Variants in C10orf67 observed in about 807,000 individuals in gnomAD.
C10orf67 encodes chromosome 10 open reading frame 67.
Under a neutral mutation model 35.6 loss-of-function variants are expected in C10orf67, and 60 were observed. That is an observed-to-expected ratio of 1.68 (90% CI 1.37 to 2.09). The LOEUF is 2.09. Ranked by LOEUF, C10orf67 falls within the 30% of genes most tolerant of loss-of-function variation. The pLI, the probability that C10orf67 is intolerant of heterozygous loss-of-function variation, is 0.00. For synonymous variants in C10orf67, 167 were observed against 115.8 expected, an observed-to-expected ratio of 1.44 and a Z score of -2.84; for missense variants, 474 against 330.2, an observed-to-expected ratio of 1.44 and a Z score of -3.38.
At chr10:23,330,585 A>T (rs918402748) in intron 2 of C10orf67, among the ~76,000 whole-genome samples, 22 of 152,038 alleles carry the variant, frequency 1.4e-4, no homozygotes, top group Non-Finnish European at 2.9e-4. Context: ...CTAAAAATAT[A>T]AAAAATTAGC....
At chr10:23,325,703 G>A (rs1845169438) in intron 2 of C10orf67, among the ~76,000 whole-genome samples, 1 of 148,170 alleles carries the variant, frequency 6.7e-6, no homozygotes, top group Non-Finnish European at 1.5e-5. Context: ...ACAGGAAAAT[G>A]TGATTCAGTC....
intron 13 of C10orf67, among the ~76,000 whole-genome samples, chr10:23,236,207 C>T (rs1354100977): frequency 1.4e-5 from 2 of 143,346 alleles, no homozygotes; most frequent in African/African-American, 5.4e-5. Context: ...TGAGATTGCG[C>T]CACTGCACTC....
intron 8 of C10orf67, among the ~76,000 whole-genome samples, chr10:23,276,755 G>A (rs546721767): frequency 4.6e-5 from 7 of 152,168 alleles, no homozygotes; most frequent in South Asian, 2.1e-4. Flanking sequence ...TAATCACCAC[G>A]TTGCGAGAGA....
chr10:23,289,376 C>T (rs552878423), intron 7 of C10orf67, among the ~76,000 whole-genome samples: 1 of 152,260 alleles, frequency 6.6e-6, no homozygotes, highest in Non-Finnish European at 1.5e-5. Flanking sequence ...GTTTTCCAGT[C>T]TGGCCTTGAA....
chr10:23,319,379 A>T (rs1844858776), intron 4 of C10orf67, among the ~76,000 whole-genome samples: 1 of 152,086 alleles, frequency 6.6e-6, no homozygotes, highest in Non-Finnish European at 1.5e-5. Flanking sequence ...GTGTATATGT[A>T]CCACATTTTT....
At chr10:23,335,115 G>C (rs7894108) in intron 1 of C10orf67, among the ~76,000 whole-genome samples, 85,923 of 151,148 alleles carry the variant, frequency 0.57, 25,581 homozygotes, top group East Asian at 0.87. Flanking sequence ...TTGAACCTGG[G>C]AGGCAGAGGC....
intron 7 of C10orf67, among the ~76,000 whole-genome samples, chr10:23,288,152 A>G (rs1843603090): frequency 6.6e-6 from 1 of 152,252 alleles, no homozygotes; most frequent in African/African-American, 2.4e-5. Context: ...TCATTTTACT[A>G]TAAAGAGACA....
intron 10 of C10orf67, among the ~76,000 whole-genome samples, chr10:23,255,189 C>G (rs1044656037): frequency 2.6e-5 from 4 of 152,044 alleles, no homozygotes; most frequent in Non-Finnish European, 5.9e-5. Context: ...ATTGGGAACA[C>G]GGAGAATAAA....
rs1564450822 is a variant in C10orf67 at position 23,202,768 on chromosome 10, T to G, written c.*1405A>C. 6.6e-6 allele frequency: 1 copy of G among 152,194 alleles called. No individual in the cohort carries two copies. The highest frequency in any genetic ancestry group is 1.9e-4 in the East Asian group (1 of 5,188). The allele number at this position is 152,194 out of a possible 1,614,324, so 9.4% of individuals were successfully genotyped here. A position where few individuals can be genotyped will look rare whatever the true frequency, so the allele number is the denominator to read the frequency against. On this transcript the variant is annotated 3_prime_UTR_variant, in exon 16 of 16. Coordinates refer to ENST00000636213, the MANE Select transcript of C10orf67 (RefSeq NM_001371909.1). ...CAGATAAATCTTGAAGGTTCAAGTT[T>G]CTATTAAAGTTCTGAAATGAAGCAG... is the stretch of plus-strand genomic sequence containing the variant.
intron 15 of C10orf67, among the ~76,000 whole-genome samples, chr10:23,207,051 A>C (rs1841177440): frequency 6.6e-6 from 1 of 152,088 alleles, no homozygotes; most frequent in South Asian, 2.1e-4. Flanking sequence ...GTTACTACAA[A>C]TGTTTCATTG....
At chr10:23,223,274 A>G (rs1357178114) in intron 15 of C10orf67, among the ~76,000 whole-genome samples, 1 of 151,910 alleles carries the variant, frequency 6.6e-6, no homozygotes, top group African/African-American at 2.4e-5. Flanking sequence ...TTGTAGAGGT[A>G]GAGTCTTATA....
chr10:23,290,643 CA>C (rs1843693898), intron 6 of C10orf67, among the ~76,000 whole-genome samples: 1 of 152,138 alleles, frequency 6.6e-6, no homozygotes, highest in Admixed American at 6.6e-5. Flanking sequence ...ATTAAGTATA[CA>C]AATGAAATTG....
chr10:23,344,356 G>A, intron 1 of C10orf67: 1 of 595,414 alleles, frequency 1.7e-6, no homozygotes, highest in Non-Finnish European at 3.0e-6. Context: ...GAGTGGAGAG[G>A]GGGAGGAGGA....
Position 23,239,234 on chromosome 10 carries a change from G to A in C10orf67, c.1434+495C>T, listed in dbSNP as rs976886499. ...CATTTAGAACCCCCAGATGAAAACA[G>A]TAAGTCAAATAGGCTAAATAATAGC... On this transcript the variant is annotated intron_variant, in intron 13 of 15. Coordinates refer to ENST00000636213, the MANE Select transcript of C10orf67 (RefSeq NM_001371909.1). Among the ~76,000 whole-genome samples, 6 of 152,140 alleles carry A rather than the reference G, an allele frequency of 3.9e-5. 1 individual carries two copies. The highest frequency in any genetic ancestry group is 1.3e-4 in the Admixed American group (2 of 15,266).
chr10:23,331,976 G>T (rs1209070260), intron 2 of C10orf67, among the ~76,000 whole-genome samples: 1 of 152,152 alleles, frequency 6.6e-6, no homozygotes, highest in East Asian at 1.9e-4. Flanking sequence ...GTTACTAGCG[G>T]GAGTGTAAAT....
chr10:23,339,402 C>CAAAAAAA (rs34805547), intron 1 of C10orf67, among the ~76,000 whole-genome samples: 1 of 72,332 alleles, frequency 1.4e-5, no homozygotes, highest in Non-Finnish European at 2.6e-5. Flanking sequence ...AAAAAGGCAG[C>CAAAAAAA]AAAAAAAAAA....
chr10:23,244,992 A>G (rs1842282779), intron 12 of C10orf67, among the ~76,000 whole-genome samples: 1 of 152,248 alleles, frequency 6.6e-6, no homozygotes. Flanking sequence ...GTATGATTGT[A>G]CTGACATGAA....
At chr10:23,207,074 T>A (rs977139872) in intron 15 of C10orf67, among the ~76,000 whole-genome samples, 1 of 152,110 alleles carries the variant, frequency 6.6e-6, no homozygotes, top group East Asian at 1.9e-4. Context: ...AGGCCACCAA[T>A]TACAGCTCAC....
chr10:23,224,426 G>A (rs1001392155), intron 13 of C10orf67, among the ~76,000 whole-genome samples: 2 of 152,118 alleles, frequency 1.3e-5, no homozygotes, highest in Non-Finnish European at 2.9e-5. Flanking sequence ...CAAGGATGGG[G>A]AAAAAACAGA....
Sources: gnomAD v4.1 joint callset for allele counts (sites outside exome capture counted in the v4.1 genomes callset) on GRCh38, gnomAD v4.1.1 for gene constraint, MANE v1.5 for transcripts, NCBI Gene and HGNC (gene_info 2026-07-23, HGNC 2026-07-21) for gene names.